The following MLIP variants were observed in gnomAD, a reference collection of about 807,000 sequenced individuals.
The protein encoded by MLIP is muscular LMNA interacting protein.
A neutral mutation model predicts 84.8 loss-of-function variants in MLIP; 79 were observed. That is an observed-to-expected ratio of 0.93 (90% confidence interval 0.78 to 1.12). The LOEUF (loss-of-function observed/expected upper bound fraction) is 1.12, where lower values mean the gene tolerates loss of function less well. Ranked by LOEUF, MLIP falls within the 50% of genes most tolerant of loss-of-function variation. MLIP has a pLI of 0.00. For synonymous variants in MLIP, 504 were observed against 463.0 expected, an observed-to-expected ratio of 1.09 and a Z score of -1.14; for missense variants, 1,257 against 1,160.6, an observed-to-expected ratio of 1.08 and a Z score of -1.21.
At chr6:54,177,190 A>G (rs1468798090) in intron 9 of MLIP, among the ~76,000 whole-genome samples, 1 of 152,168 alleles carries the variant, frequency 6.6e-6, no homozygotes, top group Non-Finnish European at 1.5e-5. Flanking sequence ...AAAAGCAAAA[A>G]TTGACAAATG....
rs1771952957 is a variant in MLIP, at chr6:54,137,864, A to G, written c.1795A>G (p.Asn599Asp). 6.5e-7 allele frequency: 1 copy of G among 1,535,912 alleles called. No individual in the cohort carries two copies. The highest frequency in any genetic ancestry group is 2.4e-5 in the East Asian group (1 of 40,912). The change falls in exon 4 of 14, where the codon AAT (asparagine) becomes GAT (aspartate). Residue 599 changes from asparagine to aspartate, a missense_variant. By Grantham distance (23) the Asn-to-Asp change is conservative. Transcript: ENST00000502396. The part of the protein sequence containing the change: ...SALSSLSPPI[N>D]QRATFSSSEK... ...ATTATCTTCTCTATCTCCTCCTATT[A>G]ATCAAAGAGCTACGTTCTCTTCTTC... is the stretch of plus-strand genomic sequence containing the variant.
intron 10 of MLIP, among the ~76,000 whole-genome samples, chr6:54,199,061 C>T (rs1778494137): frequency 6.6e-6 from 1 of 151,648 alleles, no homozygotes; most frequent in African/African-American, 2.4e-5. Context: ...TTAGCAATGG[C>T]CAAAATCAAG....
At chr6:54,108,552 T>C (rs976407407), upstream of MLIP, among the ~76,000 whole-genome samples, 2 of 152,216 alleles carry the variant, frequency 1.3e-5, no homozygotes, top group Non-Finnish European at 2.9e-5. Context: ...TGACCATTTA[T>C]GTGTTTTTAA....
chr6:54,228,333 A>G (rs760623939), intron 11 of MLIP, among the ~76,000 whole-genome samples: 2 of 152,228 alleles, frequency 1.3e-5, no homozygotes, highest in African/African-American at 2.4e-5. Context: ...GGCAATTAGC[A>G]CAGATTGAAA....
At chr6:54,255,117 A>C (rs1782920178) in intron 12 of MLIP, among the ~76,000 whole-genome samples, 1 of 152,020 alleles carries the variant, frequency 6.6e-6, no homozygotes, top group South Asian at 2.1e-4. Context: ...CCTTTACTAT[A>C]TGTCATACTC....
intron 12 of MLIP, among the ~76,000 whole-genome samples, chr6:54,232,711 T>C (rs1207409358): frequency 6.6e-6 from 1 of 152,236 alleles, no homozygotes; most frequent in Non-Finnish European, 1.5e-5. Flanking sequence ...TTGAAATAAC[T>C]TAATGCCTTT....
chr6:54,157,028 T>C (rs538342315), intron 5 of MLIP, among the ~76,000 whole-genome samples: 64 of 152,096 alleles, frequency 4.2e-4, no homozygotes, highest in African/African-American at 1.5e-3. Context: ...TGAGAGTGGA[T>C]CTAGGGAGAG....
intron 5 of MLIP, among the ~76,000 whole-genome samples, chr6:54,153,991 T>C (rs1773747903): frequency 6.6e-6 from 1 of 152,066 alleles, no homozygotes; most frequent in Non-Finnish European, 1.5e-5. Flanking sequence ...ATTTCTTTAA[T>C]AATGGAGAAG....
upstream of MLIP, chr6:54,111,406 T>C: frequency 6.5e-7 from 1 of 1,527,596 alleles, no homozygotes; most frequent in Non-Finnish European, 8.8e-7. Context: ...CGTGAGTGTG[T>C]GTGTGTTGTT....
At chr6:54,246,220 G>C (rs1782069416) in intron 12 of MLIP, among the ~76,000 whole-genome samples, 1 of 152,012 alleles carries the variant, frequency 6.6e-6, no homozygotes, top group South Asian at 2.1e-4. Flanking sequence ...CACTTTCTTA[G>C]CTTTATGAAG....
rs529902214 is a variant in MLIP at position 54,230,853 on chromosome 6, C to G, written c.2858C>G (p.Ser953Cys). The G allele has an allele frequency of 2.5e-6, 4 of 1,613,958 alleles. No individual in the cohort carries two copies. In the East Asian group the frequency reaches 8.9e-5, roughly 36 times the overall value. The change falls in exon 12 of 14, where the codon TCC becomes TGC. Residue 953 changes from serine to cysteine, a missense_variant. Transcript: ENST00000502396. ...GCCCCAGGACCCTTCAGTCATCTGT[C>G]CTTCTCCTTGAGTGATGAACAGGAG... ...CLAPGPFSHL[S>C]FSLSDEQENS...
intron 13 of MLIP, among the ~76,000 whole-genome samples, chr6:54,261,042 A>T (rs891603988): frequency 1.3e-5 from 2 of 152,058 alleles, no homozygotes; most frequent in Admixed American, 1.3e-4. Flanking sequence ...TACTGTTCAC[A>T]CCAATGCAGT....
At chr6:54,034,386 T>A (rs1014368394) in intron 1 of MLIP, among the ~76,000 whole-genome samples, 1 of 152,204 alleles carries the variant, frequency 6.6e-6, no homozygotes, top group Non-Finnish European at 1.5e-5. Context: ...TGTATGATGA[T>A]GTTTTGGTCA....
At chr6:54,247,407 G>T (rs1235959427) in intron 12 of MLIP, among the ~76,000 whole-genome samples, 7 of 152,114 alleles carry the variant, frequency 4.6e-5, no homozygotes, top group Non-Finnish European at 8.8e-5. Context: ...AGATTCTCCA[G>T]AAGGAAGATT....
intron 10 of MLIP, among the ~76,000 whole-genome samples, chr6:54,192,734 T>C (rs1778035052): frequency 1.3e-5 from 2 of 152,068 alleles, no homozygotes; most frequent in African/African-American, 4.8e-5. Context: ...AGTAAATATG[T>C]ATGGATGTAT....
intron 12 of MLIP, among the ~76,000 whole-genome samples, chr6:54,246,608 C>T (rs9296740): frequency 0.33 from 50,111 of 151,824 alleles, 11,778 homozygotes; most frequent in African/African-American, 0.67. Flanking sequence ...GATTATCTCG[C>T]TACATAACCT....
chr6:54,086,710 C>G (rs1767518634), intron 1 of MLIP, among the ~76,000 whole-genome samples: 1 of 152,298 alleles, frequency 6.6e-6, no homozygotes, highest in Non-Finnish European at 1.5e-5. Flanking sequence ...TCCAGCCACA[C>G]CAGCCTCTGT....
chr6:54,243,725 T>A (rs6458988), intron 12 of MLIP, among the ~76,000 whole-genome samples: 6 of 151,968 alleles, frequency 3.9e-5, no homozygotes, highest in African/African-American at 1.5e-4. Context: ...ATCAATAAAG[T>A]GGCATTACCA....
At chr6:54,141,312 C>CTTTTTTTCTT (rs1772279270) in intron 4 of MLIP, among the ~76,000 whole-genome samples, 1 of 128,460 alleles carries the variant, frequency 7.8e-6, no homozygotes, top group East Asian at 2.2e-4. Context: ...CTCAGCCTGC[C>CTTTTTTTCTT]TTTTTTTTTT....
Sources: gnomAD v4.1 joint callset for allele counts (sites outside exome capture counted in the v4.1 genomes callset) on GRCh38, gnomAD v4.1.1 for gene constraint, MANE v1.5 for transcripts, NCBI Gene and HGNC (gene_info 2026-07-23, HGNC 2026-07-21) for gene names.